CYLD: variants seen among roughly 807,000 people sequenced by gnomAD.
CYLD encodes the protein ubiquitin carboxyl-terminal hydrolase CYLD.
In CYLD, 26 loss-of-function variants were observed where a neutral mutation model predicts 104.5. That is an observed-to-expected ratio of 0.25 (90% confidence interval 0.18 to 0.35). The LOEUF (loss-of-function observed/expected upper bound fraction) is 0.35, where lower values mean the gene tolerates loss of function less well. Ranked by LOEUF, CYLD falls within the 10% of genes least tolerant of loss-of-function variation. The probability of loss-of-function intolerance (pLI) is 1.00; values close to 1 mark genes in which losing one functional copy is unlikely to be tolerated. For missense variants in CYLD, 703 were observed against 1,136.1 expected (o/e 0.62, Z 5.48); for synonymous variants, 385 against 399.9 (o/e 0.96, Z 0.45).
At position 50,800,819 on chromosome 16, in the gene CYLD, G is replaced by A. The variant is rs1972403530; in HGVS notation, c.*4311G>A. The A allele has an allele frequency of 4.3e-6, 1 of 233,168 alleles. No individual in the cohort carries two copies. The highest frequency in any genetic ancestry group is 8.5e-6 in the Non-Finnish European group (1 of 118,030). 14.4% of individuals were successfully genotyped at this position (233,168 alleles called of 1,614,324 possible). On this transcript the variant is annotated 3_prime_UTR_variant, in exon 19 of 19. Coordinates refer to ENST00000427738, the MANE Select transcript of CYLD (RefSeq NM_001378743.1). ...ATTTAAAATAATACTCCTTTCTCTA[G>A]GGTTTGGTGCAATTCTCCATTAATG...
In CYLD at chr16:50,792,176, A is replaced by G. The variant is rs146946436; in HGVS notation, c.2242-421A>G. Among the ~76,000 whole-genome samples, 21 of 152,292 alleles carry G rather than the reference A, an allele frequency of 1.4e-4. 1 individual carries two copies. The East Asian group carries it at 3.5e-3, about 25-fold the overall frequency. ...TATGCTTGTGGTTTATTTTGATTGTATTCATTTCTGAAGTCATTTTTGGTA... is the reference window on the plus strand; with the variant it reads ...TATGCTTGTGGTTTATTTTGATTGTGTTCATTTCTGAAGTCATTTTTGGTA... On this transcript the variant is annotated intron_variant, in intron 15 of 18. Transcript: ENST00000427738.
intron 5 of CYLD, among the ~76,000 whole-genome samples, chr16:50,758,507 T>C (rs544757147): frequency 6.6e-6 from 1 of 152,270 alleles, no homozygotes; most frequent in East Asian, 1.9e-4. Flanking sequence ...TGGCTGCCTG[T>C]TAAGAATAAA....
intron 2 of CYLD, among the ~76,000 whole-genome samples, chr16:50,745,368 T>G (rs1017203719): frequency 7.4e-5 from 10 of 136,026 alleles, no homozygotes; most frequent in Middle Eastern, 3.5e-3. Context: ...CTTTGTTTTT[T>G]TTTTTTTTTT....
chr16:50,770,220 C>T (rs940136235), intron 5 of CYLD, among the ~76,000 whole-genome samples: 1 of 152,152 alleles, frequency 6.6e-6, no homozygotes, highest in Non-Finnish European at 1.5e-5. Context: ...AACCGCTAAA[C>T]TGTTTTCCAG....
chr16:50,750,034 G>C lies in CYLD; in HGVS notation c.336G>C (p.Leu112=). ...CCAATTGTGAGGAGAGGTTCAGCCT[G>C]TTTAAAAACAGAAACAGACTAAGTA... ...AITNCEERFS[L]FKNRNRLSKG... Residue 112 remains leucine, a synonymous_variant, in exon 3 of 19, where the codon CTG becomes CTC. Coordinates refer to ENST00000427738, the MANE Select transcript of CYLD (RefSeq NM_001378743.1). The C allele has an allele frequency of 6.2e-7, 1 of 1,614,166 alleles. No homozygotes were observed. Among genetic ancestry groups the C allele is most frequent in the Non-Finnish European group, 8.5e-7 (1 of 1,180,018 alleles).
chr16:50,796,192 C>G lies in CYLD; in HGVS notation c.2687-132C>G, dbSNP rs1322845573. 6 of 835,940 alleles carry G rather than the reference C, an allele frequency of 7.2e-6. No homozygotes were observed. In the Admixed American group the frequency reaches 1.6e-4, roughly 22 times the overall value. 51.8% of individuals were successfully genotyped at this position (835,940 alleles called of 1,614,324 possible). ...AAGGGTTAAAGGAGGCTTTCACTTC[C>G]AGAAATCAGAAGTAAAATAAAGGCT... On this transcript the variant is annotated intron_variant, in intron 18 of 18. Coordinates refer to ENST00000427738, the MANE Select transcript of CYLD (RefSeq NM_001378743.1).
chr16:50,756,773 C>G (rs769557532), intron 5 of CYLD, among the ~76,000 whole-genome samples: 1 of 152,236 alleles, frequency 6.6e-6, no homozygotes, highest in Non-Finnish European at 1.5e-5. Flanking sequence ...ACATTCTTAA[C>G]AAACTTATAA....
intron 5 of CYLD, among the ~76,000 whole-genome samples, chr16:50,761,613 C>A (rs988012181): frequency 5.9e-5 from 9 of 152,226 alleles, no homozygotes; most frequent in South Asian, 2.1e-4. Flanking sequence ...TTTTGCCTTG[C>A]AGGATTTATA....
intron 5 of CYLD, among the ~76,000 whole-genome samples, chr16:50,774,084 GT>G (rs1220559713): frequency 6.6e-6 from 1 of 152,178 alleles, no homozygotes; most frequent in Non-Finnish European, 1.5e-5. Context: ...TGCTTCATTT[GT>G]TATAATGGTT....
chr16:50,744,139 C>T (rs1965968444), intron 2 of CYLD, among the ~76,000 whole-genome samples: 1 of 151,494 alleles, frequency 6.6e-6, no homozygotes, highest in Admixed American at 6.6e-5. Context: ...ACTAGAGAGG[C>T]AGCAGTATTC....
In CYLD at chr16:50,754,480, A is replaced by G. The variant is rs777963518; in HGVS notation, c.913+56A>G. ...GGCAAACTTTATTTTTTAATTTTTTATTTTTTTATATCAATATGTTTTGGG... is the reference window on the plus strand; with the variant it reads ...GGCAAACTTTATTTTTTAATTTTTTGTTTTTTTATATCAATATGTTTTGGG... On this transcript the variant is annotated intron_variant, in intron 5 of 18. Coordinates refer to ENST00000427738, the MANE Select transcript of CYLD (RefSeq NM_001378743.1). 1.2e-5 allele frequency: 13 copies of G among 1,129,128 alleles called. No individual in the cohort carries two copies. In the East Asian group the frequency reaches 2.3e-4, roughly 20 times the overall value. The allele number at this position is 1,129,128 out of a possible 1,614,324, so 69.9% of individuals were successfully genotyped here.
intron 2 of CYLD, chr16:50,745,000 T>A (rs1194704614): frequency 6.6e-6 from 1 of 152,378 alleles, no homozygotes; most frequent in Admixed American, 6.5e-5. Context: ...TCAACATGGC[T>A]TTAGGGTTAA....
At chr16:50,784,767 G>A in intron 12 of CYLD, 1 of 285,544 alleles carries the variant, frequency 3.5e-6, no homozygotes. Context: ...CTTATCTTTT[G>A]AAATAGTTTA....
chr16:50,794,170 C>T lies in CYLD; in HGVS notation c.2470-42C>T. The T allele has an allele frequency of 6.4e-7, 1 of 1,564,320 alleles. No homozygotes were observed. The highest frequency in any genetic ancestry group is 1.1e-5 in the South Asian group (1 of 90,002). On this transcript the variant is annotated intron_variant, in intron 17 of 18. Coordinates refer to ENST00000427738, the MANE Select transcript of CYLD (RefSeq NM_001378743.1). This position sits in a 1 kb window ranked among gnomAD's most constrained non-coding sequence, Gnocchi z 4.1. Reference sequence around the variant, plus strand: ...CTTGAACTCCTGACCTCGTGATCCACCAGCCTCGGCCTAATGACATTCTTT... The same window carrying T: ...CTTGAACTCCTGACCTCGTGATCCATCAGCCTCGGCCTAATGACATTCTTT...
chr16:50,774,104 T>C (rs1056462560), intron 5 of CYLD, among the ~76,000 whole-genome samples: 48 of 152,246 alleles, frequency 3.2e-4, no homozygotes, highest in African/African-American at 1.2e-3. Context: ...TTACTAACTA[T>C]ATAATGGATC....
intron 10 of CYLD, among the ~76,000 whole-genome samples, chr16:50,782,007 T>G (rs1264269536): frequency 6.6e-6 from 1 of 152,216 alleles, no homozygotes; most frequent in Non-Finnish European, 1.5e-5. Context: ...TCATTTTCTT[T>G]TCAAACTTGA....
chr16:50,759,098 A>T (rs1408228401), intron 5 of CYLD, among the ~76,000 whole-genome samples: 1 of 152,010 alleles, frequency 6.6e-6, no homozygotes, highest in Non-Finnish European at 1.5e-5. Flanking sequence ...AAAATTAGCC[A>T]GGCGTGGTGG....
At chr16:50,791,443 T>C (rs1041696216) in intron 14 of CYLD, 115 bp from the exon 15 acceptor site, 1 of 1,044,194 alleles carries the variant, frequency 9.6e-7, no homozygotes, top group Non-Finnish European at 1.5e-6. Flanking sequence ...TATCCAAAGC[T>C]ACACCATCAA....
chr16:50,750,066 T>C lies in CYLD; in HGVS notation c.368T>C (p.Leu123Pro). Residue 123 changes from leucine to proline, a missense_variant, in exon 3 of 19, where the codon CTC becomes CCC. Leu to Pro is a moderately conservative substitution (Grantham distance 98). Transcript: ENST00000427738. ...AACAGAAACAGACTAAGTAAAGGCC[T>C]CCAAATAGACGTGGGCTGTCCTGTG... ...FKNRNRLSKG[L>P]QIDVGCPVKV... 1.2e-6 allele frequency: 2 copies of C among 1,614,104 alleles called. No individual in the cohort carries two copies. Among genetic ancestry groups the C allele is most frequent in the Non-Finnish European group, 1.7e-6 (2 of 1,180,004 alleles).
Sources: gnomAD v4.1 joint callset for allele counts (sites outside exome capture counted in the v4.1 genomes callset) on GRCh38, gnomAD v4.1.1 for gene constraint, Gnocchi (gnomAD v3.1) non-coding constraint, MANE v1.5 for transcripts, NCBI Gene and HGNC (gene_info 2026-07-23, HGNC 2026-07-21) for gene names.